Variants in CFD observed in about 807,000 individuals in gnomAD.
The protein encoded by CFD is C3 convertase activator.
In CFD, 24 loss-of-function variants were observed where a neutral mutation model predicts 21.1. The observed-to-expected ratio is 1.14, with a 90% confidence interval of 0.82 to 1.60. CFD has a LOEUF of 1.60. CFD is among the 40% of genes most tolerant of loss of function. The pLI is 0.00. For missense variants in CFD, 535 were observed against 383.3 expected, an observed-to-expected ratio of 1.40 and a Z score of -3.31; for synonymous variants, 242 against 175.9, an observed-to-expected ratio of 1.38 and a Z score of -2.97.
chr19:862,157 G>A (rs1197575126), intron 4 of CFD, among the ~76,000 whole-genome samples: 7 of 148,278 alleles, frequency 4.7e-5, no homozygotes, highest in African/African-American at 1.8e-4. Context: ...ATGTGGGTAG[G>A]GTGGGGCCTT....
At chr19:862,965 G>C (rs1248309439) in intron 4 of CFD, 127 bp from the exon 5 acceptor site, 1 of 992,292 alleles carries the variant, frequency 1.0e-6, no homozygotes, top group Admixed American at 2.7e-5. Flanking sequence ...GACTAGTGAA[G>C]ACCAAATTAA....
chr19:863,519 T>C lies in CFD; in HGVS notation c.*281T>C. The C allele has an allele frequency of 2.0e-6, 1 of 500,416 alleles. No individual in the cohort carries two copies. 31.0% of individuals were successfully genotyped at this position (500,416 alleles called of 1,614,324 possible). A position where few individuals can be genotyped will look rare whatever the true frequency, so the allele number is the denominator to read the frequency against. The stretch of plus-strand genomic sequence containing the variant: ...CAGGAGGCTGAGGTGGGAGGATGAC[T>C]TGAACGCAGGAGGCTGAGGCTGCAG... On this transcript the variant is annotated 3_prime_UTR_variant, in exon 5 of 5. Transcript: ENST00000327726.
intron 1 of CFD, 82 bp from the exon 2 acceptor site, chr19:860,535 G>T: frequency 7.6e-7 from 1 of 1,315,006 alleles, no homozygotes; most frequent in East Asian, 3.1e-5. Context: ...CGGCCTGGGG[G>T]GTGAGAGCTG....
rs1842459635 is a variant in CFD, at chr19:860,702, C to T, written c.141C>T (p.Gly47=). ...RPYMASVQLN[G]AHLCGGVLVA... ...ACATGGCGTCGGTGCAGCTGAACGG[C>T]GCGCACCTGTGCGGCGGCGTCCTGG... The change falls in exon 2 of 5, where the codon GGC becomes GGT. Residue 47 remains glycine (G), a synonymous_variant. Coordinates refer to ENST00000327726, the MANE Select transcript of CFD (RefSeq NM_001928.4). 1.3e-6 allele frequency: 2 copies of T among 1,555,586 alleles called. No individual in the cohort carries two copies. The highest frequency in any genetic ancestry group is 8.6e-7 in the Non-Finnish European group (1 of 1,160,282).
rs932557882 is a variant in CFD, at chr19:860,678, C to T, written c.117C>T (p.Tyr39=). 3 of 1,537,456 alleles carry T rather than the reference C, an allele frequency of 2.0e-6. No individual in the cohort carries two copies. The South Asian group carries it at 3.6e-5, about 18-fold the overall frequency. Residue 39 remains tyrosine (Y), a synonymous_variant, in exon 2 of 5, where the codon TAC becomes TAT. Transcript: ENST00000327726. ...GREAEAHARP[Y]MASVQLNGAH... is the part of the protein sequence containing the mutation. ...AGGCCGAGGCGCACGCGCGGCCCTA[C>T]ATGGCGTCGGTGCAGCTGAACGGCG...
chr19:861,560 C>T, intron 3 of CFD, 139 bp from the exon 4 acceptor site: 1 of 1,064,136 alleles, frequency 9.4e-7, no homozygotes, highest in Non-Finnish European at 1.4e-6. Context: ...AGGGTCTAGC[C>T]TAAATCTCTC....
chr19:862,106 G>C, intron 4 of CFD, 150 bp downstream of exon 4: 1 of 1,264,456 alleles, frequency 7.9e-7, no homozygotes, highest in Non-Finnish European at 1.1e-6. Context: ...GGCGGAGCAT[G>C]AGGGTGGCCC....
chr19:863,431 T>G lies in CFD; in HGVS notation c.*193T>G. The G allele has an allele frequency of 1.5e-6, 1 of 652,256 alleles. No individual in the cohort carries two copies. Among genetic ancestry groups the G allele is most frequent in the Non-Finnish European group, 2.6e-6 (1 of 379,042 alleles). The allele number at this position is 652,256 out of a possible 1,614,324, so 40.4% of individuals were successfully genotyped here. A position where few individuals can be genotyped will look rare whatever the true frequency, so the allele number is the denominator to read the frequency against. On this transcript the variant is annotated 3_prime_UTR_variant, in exon 5 of 5. Transcript: ENST00000327726. ...CGTAGCGCGACTCCATCTCTACAAA[T>G]AAATAAAAAATTAGCTGGGCAATTG... is the stretch of plus-strand genomic sequence containing the variant.
intron 2 of CFD, 29 bp downstream of exon 2, chr19:860,802 G>C (rs2035778174): frequency 6.4e-7 from 1 of 1,557,368 alleles, no homozygotes; most frequent in East Asian, 2.4e-5. Flanking sequence ...CGGGGGAAGA[G>C]CCCGGGTGCG....
intron 1 of CFD, 101 bp from the exon 2 acceptor site, chr19:860,516 T>G: frequency 8.0e-7 from 1 of 1,250,392 alleles, no homozygotes; most frequent in South Asian, 1.9e-5. Flanking sequence ...ATGGGATTCT[T>G]GCGGGGAGCG....
intron 1 of CFD, 21 bp downstream of exon 1, chr19:859,765 G>A (rs1414666131): frequency 6.4e-7 from 1 of 1,552,098 alleles, no homozygotes; most frequent in Non-Finnish European, 8.7e-7. Context: ...CTGGGCCTGG[G>A]GTGAGGGACA....
intron 4 of CFD, among the ~76,000 whole-genome samples, chr19:862,476 TA>T (rs1011884091): frequency 1.7e-3 from 48 of 27,862 alleles, no homozygotes; most frequent in Middle Eastern, 0.021. Flanking sequence ...GTGGGAGGTA[TA>T]GGGGGCGGGC....
chr19:860,579 G>C lies in CFD; in HGVS notation c.56-38G>C. On this transcript the variant is annotated intron_variant, in intron 1 of 4. Coordinates refer to ENST00000327726, the MANE Select transcript of CFD (RefSeq NM_001928.4). ...TCAGGCAGCCTCGCCCGGGGGAGGA[G>C]TCCACCCCGCGGCCCTCACGCGCCC... 5 of 1,392,730 alleles carry C rather than the reference G, an allele frequency of 3.6e-6. No homozygotes were observed. The South Asian group carries it at 6.3e-5, about 17-fold the overall frequency. 86.3% of individuals were successfully genotyped at this position (1,392,730 alleles called of 1,614,324 possible). A position where few individuals can be genotyped will look rare whatever the true frequency, so the allele number is the denominator to read the frequency against.
intron 3 of CFD, among the ~76,000 whole-genome samples, chr19:861,388 A>C (rs867302650): frequency 1.5e-3 from 43 of 29,386 alleles, no homozygotes; most frequent in Non-Finnish European, 2.2e-3. Context: ...CCGCCCTACA[A>C]CCCCCGCACC....
chr19:859,948 C>G (rs1344932233), intron 1 of CFD, among the ~76,000 whole-genome samples: 1 of 152,194 alleles, frequency 6.6e-6, no homozygotes, highest in Non-Finnish European at 1.5e-5. Context: ...TTCTTGCAGA[C>G]AGAGTCTGAA....
rs1044540425 is a variant in CFD, at chr19:863,583, CAG to C, written c.*348_*349del. 2 of 257,106 alleles carry C rather than the reference CAG, an allele frequency of 7.8e-6. No individual in the cohort carries two copies. The highest frequency in any genetic ancestry group is 2.4e-5 in the African/African-American group (1 of 41,512). 15.9% of individuals were successfully genotyped at this position (257,106 alleles called of 1,614,324 possible). A position where few individuals can be genotyped will look rare whatever the true frequency, so the allele number is the denominator to read the frequency against. On this transcript the variant is annotated 3_prime_UTR_variant, in exon 5 of 5. Transcript: ENST00000327726. ...CACCACTGCCCTCCAGCCTGGGCAA[CAG>C]AGTGAAACCTTGTCTCTCTCTACAA...
Position 860,946 on chromosome 19 carries a change from G to C in CFD, c.298G>C (p.Ala100Pro), listed in dbSNP as rs374520010. Residue 100 changes from alanine to proline, a missense_variant, in exon 3 of 5, where the codon GCA (alanine) becomes CCA (proline). Transcript: ENST00000327726. ...PSKRLYDVLR[A>P]VPHPDSQPDT... ...CAAGCGCCTGTACGACGTGCTCCGC[G>C]CAGTGCCCCACCCGGACAGCCAGCC... The C allele has an allele frequency of 1.1e-5, 17 of 1,600,976 alleles. No homozygotes were observed. The highest frequency in any genetic ancestry group is 4.2e-6 in the Non-Finnish European group (5 of 1,179,400).
intron 3 of CFD, 129 bp downstream of exon 3, chr19:861,134 A>G (rs953803817): frequency 4.5e-6 from 3 of 671,346 alleles, no homozygotes; most frequent in Admixed American, 2.2e-5. Context: ...CCGCCCCACA[A>G]CCCCCACACC....
intron 1 of CFD, 145 bp from the exon 2 acceptor site, chr19:860,472 C>T (rs2035770409): frequency 7.7e-6 from 3 of 391,044 alleles, no homozygotes; most frequent in East Asian, 2.7e-4. Flanking sequence ...TCACAAAGTG[C>T]TGGGATTACA....
Sources: gnomAD v4.1 joint callset for allele counts (sites outside exome capture counted in the v4.1 genomes callset) on GRCh38, gnomAD v4.1.1 for gene constraint, MANE v1.5 for transcripts, NCBI Gene and HGNC (gene_info 2026-07-23, HGNC 2026-07-21) for gene names.